DNAH9: variants seen among roughly 807,000 people sequenced by gnomAD.
The protein encoded by DNAH9 is DNAH9 variant protein.
In DNAH9, 345 loss-of-function variants were observed where a neutral mutation model predicts 471.6. That is an observed-to-expected ratio of 0.73 (90% confidence interval 0.67 to 0.80). The LOEUF (loss-of-function observed/expected upper bound fraction) is 0.80. Ranked by LOEUF, DNAH9 falls within the 30% of genes least tolerant of loss-of-function variation. The pLI, the probability that DNAH9 is intolerant of heterozygous loss-of-function variation, is 0.00. For synonymous variants in DNAH9, 2,093 were observed against 2,123.6 expected (o/e 0.99, Z 0.40); for missense variants, 5,407 against 5,609.2 (o/e 0.96, Z 1.15).
chr17:11,784,359 C>T lies in DNAH9; in HGVS notation c.7881C>T (p.Tyr2627=), dbSNP rs565534235. 2.4e-4 allele frequency: 383 copies of T among 1,614,224 alleles called. 7 individuals are homozygous for T. In the South Asian group the frequency reaches 4.0e-3, roughly 17 times the overall value. ...FPGADALSSI[Y]SIILTQHLKL... Reference sequence around the variant, plus strand: ...GGGCAGATGCCCTGTCCTCTATCTACAGCATCATCCTCACTCAGCATCTGA... The same window carrying T: ...GGGCAGATGCCCTGTCCTCTATCTATAGCATCATCCTCACTCAGCATCTGA... The change falls in exon 41 of 69, where the codon TAC becomes TAT. Residue 2627 remains tyrosine, a synonymous_variant. Coordinates refer to ENST00000262442, the MANE Select transcript of DNAH9 (RefSeq NM_001372.4).
At chr17:11,808,908 A>T (rs774814673) in intron 44 of DNAH9, among the ~76,000 whole-genome samples, 1 of 152,140 alleles carries the variant, frequency 6.6e-6, no homozygotes. Flanking sequence ...CACTTAGAGG[A>T]TGCGATGAGA....
intron 67 of DNAH9, among the ~76,000 whole-genome samples, chr17:11,946,687 GAAA>G (rs1198637342): frequency 1.6e-5 from 2 of 128,096 alleles, no homozygotes; most frequent in Admixed American, 7.8e-5. Flanking sequence ...AAAAGAAAAA[GAAA>G]AAAAAAATCT....
At chr17:11,822,281 C>T (rs1232039316) in intron 46 of DNAH9, among the ~76,000 whole-genome samples, 157 bp from the exon 47 acceptor site, 2 of 152,208 alleles carry the variant, frequency 1.3e-5, no homozygotes, top group East Asian at 3.9e-4. Context: ...CGTTTTTGAT[C>T]TCTTGGCTGG....
At chr17:11,744,669 C>T in intron 30 of DNAH9, 128 bp from the exon 31 acceptor site, 1 of 771,088 alleles carries the variant, frequency 1.3e-6, no homozygotes, top group Non-Finnish European at 2.1e-6. Flanking sequence ...CTAAGTCATC[C>T]CTTCCCACGT....
chr17:11,612,205 C>A, intron 4 of DNAH9: 1 of 390,912 alleles, frequency 2.6e-6, no homozygotes, highest in South Asian at 3.1e-5. Flanking sequence ...CCTGTGTGAC[C>A]AACTCCAGGG....
chr17:11,784,231 A>G lies in DNAH9; in HGVS notation c.7822-69A>G, dbSNP rs528035722. The G allele has an allele frequency of 5.0e-6, 8 of 1,594,414 alleles. No individual in the cohort carries two copies. The African/African-American group carries it at 1.1e-4, about 21-fold the overall frequency. On this transcript the variant is annotated intron_variant, in intron 40 of 68. Transcript: ENST00000262442. ...TGTATAAGAATTTTCTGTTATCTCCAAATTCAGAAGCGGTGATTTCTACTC... is the reference window on the plus strand; with the variant it reads ...TGTATAAGAATTTTCTGTTATCTCCGAATTCAGAAGCGGTGATTTCTACTC...
intron 42 of DNAH9, among the ~76,000 whole-genome samples, chr17:11,794,888 C>T (rs563544657): frequency 4.6e-4 from 62 of 135,616 alleles, no homozygotes; most frequent in Non-Finnish European, 6.0e-4. Context: ...TGCACTTGGA[C>T]ACAGGAAGGG....
In DNAH9 at chr17:11,598,801, T is replaced by C; in HGVS notation, c.303T>C (p.Leu101=). The C allele has an allele frequency of 6.8e-7, 1 of 1,481,040 alleles. No individual in the cohort carries two copies. The highest frequency in any genetic ancestry group is 8.9e-7 in the Non-Finnish European group (1 of 1,119,516). The allele number at this position is 1,481,040 out of a possible 1,614,324, so 91.7% of individuals were successfully genotyped here. A position where few individuals can be genotyped will look rare whatever the true frequency, so the allele number is the denominator to read the frequency against. The change falls in exon 1 of 69, where the codon CTT becomes CTC. Residue 101 remains leucine (L), a synonymous_variant. Transcript: ENST00000262442. ...CGGGCCTGGCTGGCGCTAAGGCGCTTTTTTTCCTTCGCACCGGGCCCGAGC... is the reference window on the plus strand; with the variant it reads ...CGGGCCTGGCTGGCGCTAAGGCGCTCTTTTTCCTTCGCACCGGGCCCGAGC... The part of the protein sequence containing the change: ...PESGLAGAKA[L]FFLRTGPEPP...
intron 35 of DNAH9, 125 bp downstream of exon 35, chr17:11,757,817 C>T: frequency 1.0e-6 from 1 of 1,002,062 alleles, no homozygotes; most frequent in Non-Finnish European, 1.4e-6. Context: ...CGATCTCCTC[C>T]AGGCATGGCA....
intron 45 of DNAH9, among the ~76,000 whole-genome samples, chr17:11,814,516 T>C (rs147597619): frequency 2.0e-5 from 3 of 152,244 alleles, no homozygotes; most frequent in Non-Finnish European, 4.4e-5. Flanking sequence ...CCAGGCTAGA[T>C]GACTTTCTAT....
chr17:11,838,874 G>A (rs1194258221), intron 49 of DNAH9, among the ~76,000 whole-genome samples: 1 of 152,128 alleles, frequency 6.6e-6, no homozygotes, highest in Admixed American at 6.5e-5. Flanking sequence ...GCACTCACAG[G>A]ACTTTGGTAT....
intron 3 of DNAH9, 40 bp downstream of exon 3, chr17:11,610,594 T>C: frequency 6.3e-7 from 1 of 1,599,922 alleles, no homozygotes. Context: ...GGGGTGAAGA[T>C]GTCTTACAGA....
At chr17:11,651,424 G>T in intron 13 of DNAH9, 100 bp downstream of exon 13, 1 of 1,268,986 alleles carries the variant, frequency 7.9e-7, no homozygotes, top group African/African-American at 1.5e-5. Flanking sequence ...CTTATTTGGG[G>T]TTGAAACATA....
intron 36 of DNAH9, among the ~76,000 whole-genome samples, chr17:11,765,628 C>G (rs941164096): frequency 1.3e-5 from 2 of 152,088 alleles, no homozygotes; most frequent in African/African-American, 4.8e-5. Context: ...AGGGAAGTCT[C>G]CAAGGACAGG....
intron 35 of DNAH9, 48 bp from the exon 36 acceptor site, chr17:11,763,392 A>G (rs936343763): frequency 1.3e-6 from 2 of 1,551,458 alleles, no homozygotes; most frequent in African/African-American, 1.4e-5. Context: ...GCACCACCAG[A>G]ATGGAATATC....
At chr17:11,750,049 T>A (rs1967084023) in intron 32 of DNAH9, among the ~76,000 whole-genome samples, 1 of 152,180 alleles carries the variant, frequency 6.6e-6, no homozygotes, top group African/African-American at 2.4e-5. Context: ...ATTTATACAT[T>A]AAATTTGGGA....
intron 66 of DNAH9, among the ~76,000 whole-genome samples, chr17:11,938,276 G>A (rs535986779): frequency 6.6e-6 from 1 of 152,144 alleles, no homozygotes; most frequent in Non-Finnish European, 1.5e-5. Flanking sequence ...TGGCCAACAT[G>A]GTGAAACCCC....
At chr17:11,714,264 C>T (rs1034267801) in intron 26 of DNAH9, among the ~76,000 whole-genome samples, 7 of 152,274 alleles carry the variant, frequency 4.6e-5, no homozygotes, top group Admixed American at 3.3e-4. Flanking sequence ...CTGCATGTAT[C>T]CAAATGGTTG....
chr17:11,781,848 CAAAA>C (rs1393158154), intron 39 of DNAH9, among the ~76,000 whole-genome samples: 1 of 122,290 alleles, frequency 8.2e-6, no homozygotes, highest in Admixed American at 8.5e-5. Context: ...AAAAAACAAA[CAAAA>C]AAAAAACTAC....
Sources: allele counts gnomAD v4.1 joint callset (sites outside exome capture counted in the v4.1 genomes callset), GRCh38; gene constraint gnomAD v4.1.1; transcripts MANE v1.5; gene names NCBI Gene and HGNC (gene_info 2026-07-23, HGNC 2026-07-21).